The following XKR6 variants were observed in gnomAD, a reference collection of about 807,000 sequenced individuals.
The protein encoded by XKR6 is XK related 6, also known as XK-related protein 6.
XKR6 carries 22 observed loss-of-function variants against 56.7 expected under a neutral mutation model. That is an observed-to-expected ratio of 0.39 (90% CI 0.28 to 0.55). XKR6 has a LOEUF of 0.55. XKR6 is among the 20% of genes least tolerant of loss of function. The probability of loss-of-function intolerance (pLI) is 0.66; values close to 1 mark genes in which losing one functional copy is unlikely to be tolerated. For synonymous variants in XKR6, 524 were observed against 387.8 expected (o/e 1.35, Z -4.13); for missense variants, 852 against 889.0 (o/e 0.96, Z 0.53).
At chr8:11,115,740 G>A (rs909300281) in intron 1 of XKR6, among the ~76,000 whole-genome samples, 2 of 152,132 alleles carry the variant, frequency 1.3e-5, no homozygotes, top group Non-Finnish European at 2.9e-5. Flanking sequence ...TAAGCTTGTG[G>A]GAGTTATTTG....
chr8:11,176,031 C>A (rs936735585), intron 1 of XKR6, among the ~76,000 whole-genome samples: 1 of 152,208 alleles, frequency 6.6e-6, no homozygotes, highest in Admixed American at 6.5e-5. Flanking sequence ...ATATACACTA[C>A]TCTGTGGGTG....
At chr8:11,119,241 T>C (rs533297667) in intron 1 of XKR6, among the ~76,000 whole-genome samples, 3 of 152,300 alleles carry the variant, frequency 2.0e-5, no homozygotes, top group South Asian at 4.1e-4. Flanking sequence ...ATGTGGTCAA[T>C]TTTGGAATAG....
intron 1 of XKR6, among the ~76,000 whole-genome samples, chr8:11,199,664 A>G (rs1585048089): frequency 6.6e-6 from 1 of 152,212 alleles, no homozygotes; most frequent in East Asian, 1.9e-4. Flanking sequence ...TCCTCAGTTT[A>G]GCCAGTGAGG....
intron 1 of XKR6, among the ~76,000 whole-genome samples, chr8:10,957,555 T>C (rs754521990): frequency 2.0e-5 from 3 of 152,114 alleles, no homozygotes; most frequent in Non-Finnish European, 4.4e-5. Context: ...AGGAGACAGA[T>C]AGGCAGACCC....
At chr8:11,074,848 C>T (rs1490424609) in intron 1 of XKR6, among the ~76,000 whole-genome samples, 1 of 152,182 alleles carries the variant, frequency 6.6e-6, no homozygotes, top group Non-Finnish European at 1.5e-5. Flanking sequence ...GGGCAGCTGC[C>T]CTCTGGGAGC....
chr8:11,157,245 G>A (rs1184696437), intron 1 of XKR6, among the ~76,000 whole-genome samples: 1 of 152,088 alleles, frequency 6.6e-6, no homozygotes, highest in East Asian at 1.9e-4. Flanking sequence ...AACGCAAGAT[G>A]GTCCACTAGG....
intron 1 of XKR6, among the ~76,000 whole-genome samples, chr8:10,963,071 C>T (rs1160095434): frequency 6.6e-6 from 1 of 152,196 alleles, no homozygotes; most frequent in African/African-American, 2.4e-5. Context: ...GACTGAACGC[C>T]CAACAGCGCC....
At chr8:10,938,612 C>T (rs920354465) in intron 1 of XKR6, among the ~76,000 whole-genome samples, 1 of 152,210 alleles carries the variant, frequency 6.6e-6, no homozygotes, top group African/African-American at 2.4e-5. Context: ...TAGTTATATA[C>T]AGTGTGATTC....
At chr8:10,932,510 G>A (rs564383673) in intron 1 of XKR6, among the ~76,000 whole-genome samples, 148 of 141,794 alleles carry the variant, frequency 1.0e-3, no homozygotes, top group African/African-American at 3.6e-3. Context: ...GTGCCATGCC[G>A]GTGCGCTGCA....
At chr8:11,142,469 C>T (rs1013370544) in intron 1 of XKR6, among the ~76,000 whole-genome samples, 11 of 152,132 alleles carry the variant, frequency 7.2e-5, no homozygotes, top group African/African-American at 2.4e-4. Flanking sequence ...GTTGGAGGTG[C>T]GGCCTGGTGG....
intron 1 of XKR6, among the ~76,000 whole-genome samples, chr8:11,037,043 T>C (rs185643310): frequency 6.6e-6 from 1 of 152,194 alleles, no homozygotes; most frequent in African/African-American, 2.4e-5. Flanking sequence ...TTTATTATGA[T>C]CCTACTTATA....
intron 1 of XKR6, among the ~76,000 whole-genome samples, chr8:10,996,344 G>A (rs77084049): frequency 0.016 from 2,502 of 152,202 alleles, 65 homozygotes; most frequent in African/African-American, 0.057. Flanking sequence ...AATTTCTGCC[G>A]CTGCTGACAA....
intron 2 of XKR6, among the ~76,000 whole-genome samples, chr8:10,899,121 C>G (rs141065161): frequency 6.6e-6 from 1 of 152,198 alleles, no homozygotes; most frequent in Non-Finnish European, 1.5e-5. Flanking sequence ...TTTCAACAAC[C>G]CCATTTGCCA....
chr8:11,071,917 C>G (rs192144974), intron 1 of XKR6, among the ~76,000 whole-genome samples: 163 of 152,292 alleles, frequency 1.1e-3, no homozygotes, highest in African/African-American at 3.9e-3. Context: ...TGCACTACAC[C>G]AAGAAAATCA....
At chr8:11,074,483 A>G (rs1800216924) in intron 1 of XKR6, among the ~76,000 whole-genome samples, 1 of 152,200 alleles carries the variant, frequency 6.6e-6, no homozygotes, top group Non-Finnish European at 1.5e-5. Flanking sequence ...TTTCCTGGGC[A>G]CTGGCCAGAT....
chr8:10,907,409 T>C (rs1271827257), intron 2 of XKR6, among the ~76,000 whole-genome samples: 9 of 152,208 alleles, frequency 5.9e-5, no homozygotes, highest in African/African-American at 4.8e-5. Flanking sequence ...ATAACAGTGA[T>C]ATCTTCCCTC....
At chr8:11,085,464 G>T (rs1797855304) in intron 1 of XKR6, among the ~76,000 whole-genome samples, 1 of 152,096 alleles carries the variant, frequency 6.6e-6, no homozygotes, top group Non-Finnish European at 1.5e-5. Flanking sequence ...GTGTATGTAT[G>T]TGCATGTGTG....
At chr8:11,063,096 C>T (rs773380609) in intron 1 of XKR6, 23 of 306,536 alleles carry the variant, frequency 7.5e-5, no homozygotes, top group Non-Finnish European at 1.4e-4. Flanking sequence ...GGTGCAGTGG[C>T]TCATGGCTGT....
chr8:10,910,150 C>T (rs993973590), intron 2 of XKR6, among the ~76,000 whole-genome samples: 4 of 151,990 alleles, frequency 2.6e-5, no homozygotes, highest in Non-Finnish European at 4.4e-5. Flanking sequence ...TGGCATCTGG[C>T]AGGTAGAGGC....
Sources: gnomAD v4.1 joint callset for allele counts (sites outside exome capture counted in the v4.1 genomes callset) on GRCh38, gnomAD v4.1.1 for gene constraint, MANE v1.5 for transcripts, NCBI Gene and HGNC (gene_info 2026-07-23, HGNC 2026-07-21) for gene names.